Variants in PXDNL observed in about 807,000 individuals in gnomAD.
PXDNL encodes probable oxidoreductase PXDNL.
A neutral mutation model predicts 150.8 loss-of-function variants in PXDNL; 145 were observed. That is an observed-to-expected ratio of 0.96 (90% CI 0.84 to 1.10). The LOEUF is 1.10. PXDNL is among the 50% of genes least tolerant of loss of function. PXDNL has a pLI of 0.00. For synonymous variants in PXDNL, 757 were observed against 725.7 expected, an observed-to-expected ratio of 1.04 and a Z score of -0.69; for missense variants, 2,087 against 1,873.9, an observed-to-expected ratio of 1.11 and a Z score of -2.10.
intron 19 of PXDNL, among the ~76,000 whole-genome samples, chr8:51,351,401 G>T (rs2130720201): frequency 6.6e-6 from 1 of 152,290 alleles, no homozygotes; most frequent in Middle Eastern, 3.4e-3. Context: ...TGAACATGAA[G>T]GTAGAGGTCA....
chr8:51,769,485 CTT>C (rs2037269332), intron 1 of PXDNL, among the ~76,000 whole-genome samples: 1 of 152,226 alleles, frequency 6.6e-6, no homozygotes, highest in South Asian at 2.1e-4. Flanking sequence ...GCTGAGTAGA[CTT>C]TATTCTGGTT....
At chr8:51,345,033 A>G (rs901834109) in intron 20 of PXDNL, among the ~76,000 whole-genome samples, 1 of 152,210 alleles carries the variant, frequency 6.6e-6, no homozygotes, top group African/African-American at 2.4e-5. Flanking sequence ...ATGGATGCCA[A>G]AAATGGATTT....
chr8:51,554,278 GT>G, intron 4 of PXDNL, among the ~76,000 whole-genome samples: 1 of 152,256 alleles, frequency 6.6e-6, no homozygotes, highest in East Asian at 1.9e-4. Flanking sequence ...GTGGTGCAGG[GT>G]AGTGAATGCT....
intron 5 of PXDNL, among the ~76,000 whole-genome samples, chr8:51,486,750 TTATATATATATATATATATATA>T (rs1174441907): frequency 8.5e-4 from 31 of 36,336 alleles, no homozygotes; most frequent in African/African-American, 3.3e-3. Flanking sequence ...GTTAAAAAGT[TTATATATATATATATATATATA>T]TATATATATA....
intron 2 of PXDNL, among the ~76,000 whole-genome samples, chr8:51,620,424 A>G (rs1814226566): frequency 6.6e-6 from 1 of 152,014 alleles, no homozygotes; most frequent in Admixed American, 6.6e-5. Flanking sequence ...CATGGCCAAC[A>G]TTTTCCCGTA....
intron 1 of PXDNL, among the ~76,000 whole-genome samples, chr8:51,775,716 A>G (rs1049933465): frequency 1.3e-5 from 2 of 152,168 alleles, no homozygotes; most frequent in African/African-American, 4.8e-5. Flanking sequence ...CATCTTCATA[A>G]GCTGAGGATG....
intron 1 of PXDNL, among the ~76,000 whole-genome samples, chr8:51,668,172 C>CTTTTTT (rs765738861): frequency 3.3e-3 from 86 of 26,084 alleles, no homozygotes; most frequent in Non-Finnish European, 4.6e-3. Context: ...CCTTCTCGCT[C>CTTTTTT]TCTCTTTTTT....
intron 20 of PXDNL, among the ~76,000 whole-genome samples, chr8:51,344,533 C>T (rs1055533945): frequency 3.9e-5 from 6 of 152,132 alleles, no homozygotes; most frequent in African/African-American, 4.8e-5. Context: ...TCTGTCTACC[C>T]GGTCAAAGGG....
intron 8 of PXDNL, among the ~76,000 whole-genome samples, 189 bp downstream of exon 8, chr8:51,471,998 G>C (rs1810348126): frequency 6.6e-6 from 1 of 152,080 alleles, no homozygotes; most frequent in African/African-American, 2.4e-5. Flanking sequence ...CCGGAAATGT[G>C]TAAGTTTTAA....
At chr8:51,765,642 A>G (rs1413431987) in intron 1 of PXDNL, among the ~76,000 whole-genome samples, 1 of 152,146 alleles carries the variant, frequency 6.6e-6, no homozygotes, top group Non-Finnish European at 1.5e-5. Context: ...TTACTAATTA[A>G]CACAACTATT....
rs1330482865 is a variant in PXDNL at position 51,319,869 on chromosome 8, G to T, written c.*22C>A. ...CTTCCTGAGAAATTTCCCATTTGGGGCTCAACAGCACAAAACTTTTATTAG... is the reference window on the plus strand; with the variant it reads ...CTTCCTGAGAAATTTCCCATTTGGGTCTCAACAGCACAAAACTTTTATTAG... On this transcript the variant is annotated 3_prime_UTR_variant, in exon 23 of 23. Coordinates refer to ENST00000356297, the MANE Select transcript of PXDNL (RefSeq NM_144651.5). 2 of 1,472,524 alleles carry T rather than the reference G, an allele frequency of 1.4e-6. No homozygotes were observed. Among genetic ancestry groups the T allele is most frequent in the African/African-American group, 1.4e-5 (1 of 69,616 alleles). 91.2% of individuals were successfully genotyped at this position (1,472,524 alleles called of 1,614,324 possible). A position where few individuals can be genotyped will look rare whatever the true frequency, so the allele number is the denominator to read the frequency against.
intron 12 of PXDNL, among the ~76,000 whole-genome samples, chr8:51,442,090 C>T (rs1164864756): frequency 6.6e-6 from 1 of 151,988 alleles, no homozygotes; most frequent in African/African-American, 2.4e-5. Context: ...GACATGGACC[C>T]AGGGTCACTC....
chr8:51,790,252 G>A (rs1431996932), intron 1 of PXDNL, among the ~76,000 whole-genome samples: 1 of 150,952 alleles, frequency 6.6e-6, no homozygotes, highest in Non-Finnish European at 1.5e-5. Context: ...AGAATGAAAT[G>A]AAATATCATT....
intron 7 of PXDNL, 129 bp downstream of exon 7, chr8:51,474,843 T>C (rs1190951444): frequency 4.1e-6 from 3 of 738,408 alleles, no homozygotes; most frequent in East Asian, 2.9e-5. Context: ...GCCATACTTT[T>C]ACCACATTCC....
At chr8:51,694,409 A>G (rs967534252) in intron 1 of PXDNL, among the ~76,000 whole-genome samples, 3 of 152,208 alleles carry the variant, frequency 2.0e-5, no homozygotes, top group Admixed American at 6.5e-5. Flanking sequence ...CTGTGACACA[A>G]CTGAGGGATC....
intron 4 of PXDNL, among the ~76,000 whole-genome samples, chr8:51,528,915 A>T (rs544762455): frequency 7.2e-5 from 11 of 152,196 alleles, no homozygotes; most frequent in Non-Finnish European, 8.8e-5. Flanking sequence ...CCATGCTGAC[A>T]CTTAGATTTA....
intron 2 of PXDNL, among the ~76,000 whole-genome samples, chr8:51,633,099 T>C (rs1563489593): frequency 1.3e-5 from 2 of 152,188 alleles, no homozygotes; most frequent in Admixed American, 6.6e-5. Flanking sequence ...CATATTTATG[T>C]CCATATGTAC....
intron 1 of PXDNL, among the ~76,000 whole-genome samples, chr8:51,680,886 C>G (rs1815733772): frequency 6.6e-6 from 1 of 152,132 alleles, no homozygotes; most frequent in African/African-American, 2.4e-5. Flanking sequence ...GGAGATGGTG[C>G]TATTTTAGTA....
At chr8:51,499,641 T>A in intron 5 of PXDNL, 58 bp downstream of exon 5, 1 of 1,328,530 alleles carries the variant, frequency 7.5e-7, no homozygotes, top group Non-Finnish European at 1.1e-6. Context: ...GTCAGATGGG[T>A]TGTATAAATG....
Sources: allele counts gnomAD v4.1 joint callset (sites outside exome capture counted in the v4.1 genomes callset), GRCh38; gene constraint gnomAD v4.1.1; transcripts MANE v1.5; gene names NCBI Gene and HGNC (gene_info 2026-07-23, HGNC 2026-07-21).